The following SPTA1 variants were observed in gnomAD, a reference collection of about 807,000 sequenced individuals.
SPTA1 encodes the protein spectrin alpha chain, erythrocytic 1.
A neutral mutation model predicts 324.7 loss-of-function variants in SPTA1; 177 were observed. The observed-to-expected ratio is 0.55, with a 90% confidence interval of 0.48 to 0.62. The LOEUF (loss-of-function observed/expected upper bound fraction) is 0.62. Ranked by LOEUF, SPTA1 falls within the 20% of genes least tolerant of loss-of-function variation. The pLI, the probability that SPTA1 is intolerant of heterozygous loss-of-function variation, is 0.00. For missense variants in SPTA1, 3,162 were observed against 2,883.6 expected (o/e 1.10, Z -2.21); for synonymous variants, 1,195 against 1,041.3 (o/e 1.15, Z -2.84).
chr1:158,653,975 G>A (rs549328522), intron 21 of SPTA1, among the ~76,000 whole-genome samples: 2 of 152,180 alleles, frequency 1.3e-5, no homozygotes, highest in African/African-American at 4.8e-5. Flanking sequence ...AAAATGGACT[G>A]GCACACATTA....
At chr1:158,681,443 T>C in intron 4 of SPTA1, 84 bp downstream of exon 4, 1 of 1,601,988 alleles carries the variant, frequency 6.2e-7, no homozygotes, top group South Asian at 1.1e-5. Context: ...GACTTCCTTG[T>C]GAGTAGTCTG....
At chr1:158,685,714 A>G (rs901905388) in intron 1 of SPTA1, among the ~76,000 whole-genome samples, 9 of 152,206 alleles carry the variant, frequency 5.9e-5, no homozygotes, top group Admixed American at 2.0e-4. Context: ...AGGGCTAAAA[A>G]GGTGTTGAGA....
chr1:158,619,274 G>A lies in SPTA1; in HGVS notation c.6478C>T (p.Gln2160Ter). ...ARQVKNFEMC[Q>*]EFEQNASTFL... is the part of the protein sequence containing the mutation. ...GTACTGGCATTCTGTTCAAACTCCT[G>A]ACACATCTCAAAGTTCTTGACCTGT... The change falls in exon 45 of 52, where the codon CAG (glutamine) becomes TAG (stop). Residue 2160 changes from glutamine (Q) to a stop codon, truncating the protein, a stop_gained. Transcript: ENST00000643759. LOFTEE classifies it high-confidence loss of function. 6.2e-7 allele frequency: 1 copy of A among 1,614,112 alleles called. No homozygotes were observed. Among genetic ancestry groups the A allele is most frequent in the Non-Finnish European group, 8.5e-7 (1 of 1,179,992 alleles).
In SPTA1 at chr1:158,662,814, G is replaced by A; in HGVS notation, c.2352C>T (p.Thr784=). ...GAAGGTCTAAGAGCTTCTTCTTTCG[G>A]GTGGCCAGTGGCTCTTTCAGAGCTT... The part of the protein sequence containing the change: ...RFEALKEPLA[T]RKKKLLDLLH... Residue 784 remains threonine, a synonymous_variant, in exon 17 of 52, where the codon ACC becomes ACT. Coordinates refer to ENST00000643759, the MANE Select transcript of SPTA1 (RefSeq NM_003126.4). The A allele has an allele frequency of 6.2e-7, 1 of 1,613,998 alleles. No individual in the cohort carries two copies.
At chr1:158,637,368 A>C (rs1200897863) in intron 36 of SPTA1, among the ~76,000 whole-genome samples, 1 of 152,222 alleles carries the variant, frequency 6.6e-6, no homozygotes, top group Non-Finnish European at 1.5e-5. Flanking sequence ...ATTACTCATA[A>C]TAATCAAGCA....
chr1:158,654,543 T>C, intron 21 of SPTA1, 68 bp downstream of exon 21: 1 of 1,597,290 alleles, frequency 6.3e-7, no homozygotes, highest in Non-Finnish European at 8.6e-7. Flanking sequence ...TATGAATATC[T>C]GGCAGGATTG....
In SPTA1 at chr1:158,634,657, T is replaced by A. The variant is rs780285487; in HGVS notation, c.5451A>T (p.Glu1817Asp). 2.9e-5 allele frequency: 46 copies of A among 1,614,030 alleles called. No homozygotes were observed. Among genetic ancestry groups the A allele is most frequent in the Non-Finnish European group, 3.7e-5 (44 of 1,180,032 alleles). Residue 1817 changes from glutamate (E) to aspartate (D), a missense_variant, in exon 39 of 52, where the codon GAA becomes GAT. By Grantham distance (45) the Glu-to-Asp change is conservative (BLOSUM62 2). Coordinates refer to ENST00000643759, the MANE Select transcript of SPTA1 (RefSeq NM_003126.4). ...LAKARGLKLE[E>D]SLEYLQFMQN... ...GCATGAATTGCAAGTATTCTAGGGA[T>A]TCTTCCAACTTAAGTCCTCTATAAC...
At chr1:158,664,104 G>A (rs1653429830) in intron 16 of SPTA1, among the ~76,000 whole-genome samples, 1 of 152,162 alleles carries the variant, frequency 6.6e-6, no homozygotes, top group African/African-American at 2.4e-5. Flanking sequence ...TTCAACCATT[G>A]TGGAAGACAG....
rs765951388 is a variant in SPTA1, at chr1:158,662,845, C to T, written c.2321G>A (p.Arg774Gln). 1.3e-5 allele frequency: 21 copies of T among 1,614,068 alleles called. No homozygotes were observed. The highest frequency in any genetic ancestry group is 4.4e-5 in the South Asian group (4 of 91,084). Residue 774 changes from arginine (R) to glutamine (Q), a missense_variant, in exon 17 of 52, where the codon CGA becomes CAA. Arg to Gln is a conservative substitution (Grantham distance 43, BLOSUM62 1). Coordinates refer to ENST00000643759, the MANE Select transcript of SPTA1 (RefSeq NM_003126.4). ...IRARQESLVC[R>Q]FEALKEPLAT... is the part of the protein sequence containing the mutation. ...CAGTGGCTCTTTCAGAGCTTCAAAT[C>T]GGCATACCAAGGACTCTTGCCTTGC...
intron 41 of SPTA1, 108 bp from the exon 42 acceptor site, chr1:158,626,330 C>G (rs1650266343): frequency 2.3e-5 from 23 of 1,020,956 alleles, no homozygotes; most frequent in South Asian, 6.8e-5. Flanking sequence ...TCTTGACTCT[C>G]AAAGTTGATG....
intron 27 of SPTA1, among the ~76,000 whole-genome samples, chr1:158,646,068 C>A (rs750069596): frequency 1.3e-5 from 2 of 152,114 alleles, no homozygotes; most frequent in Non-Finnish European, 2.9e-5. Flanking sequence ...TCATGTCTTT[C>A]CTCTTACTTT....
chr1:158,623,020 C>A lies in SPTA1; in HGVS notation c.6083G>T (p.Arg2028Ile). The A allele has an allele frequency of 4.3e-6, 7 of 1,614,162 alleles. No individual in the cohort carries two copies. The highest frequency in any genetic ancestry group is 5.9e-6 in the Non-Finnish European group (7 of 1,180,020). ...CAGCTGTTTCTCCAGCAATTTCTGT[C>A]TGTGGACTGCCGAGGCTTCCAGCAA... ...EQLLEASAVH[R>I]QKLLEKQLPL... Residue 2028 changes from arginine to isoleucine, a missense_variant, in exon 43 of 52, where the codon AGA becomes ATA. By Grantham distance (97) the Arg-to-Ile change is moderately conservative. Coordinates refer to ENST00000643759, the MANE Select transcript of SPTA1 (RefSeq NM_003126.4).
At chr1:158,683,624 T>C in intron 2 of SPTA1, 128 bp from the exon 3 acceptor site, 2 of 1,237,766 alleles carry the variant, frequency 1.6e-6, no homozygotes, top group Non-Finnish European at 2.3e-6. Flanking sequence ...AAGAGTATTT[T>C]CCTGTCCCCA....
At chr1:158,655,489 T>A (rs1652765953) in intron 20 of SPTA1, among the ~76,000 whole-genome samples, 1 of 152,124 alleles carries the variant, frequency 6.6e-6, no homozygotes, top group African/African-American at 2.4e-5. Context: ...GCCCTCTAAT[T>A]TCATCTCCTT....
rs35121052 is a variant in SPTA1, at chr1:158,661,316, G to A, written c.2558C>T (p.Thr853Ile). The A allele has an allele frequency of 6.2e-7, 1 of 1,613,652 alleles. No homozygotes were observed. Among genetic ancestry groups the A allele is most frequent in the South Asian group, 1.1e-5 (1 of 91,064 alleles). Residue 853 changes from threonine (T) to isoleucine (I), a missense_variant, in exon 18 of 52, where the codon ACA (threonine) becomes ATA (isoleucine). Transcript: ENST00000643759. ...ASHEPRIQEI[T>I]ERGNKMVEEG... ...CTCTACCATTTTGTTTCCCCTTTCT[G>A]TTATCTCTTGAATGCGTGGTTCATG...
intron 36 of SPTA1, 84 bp from the exon 37 acceptor site, chr1:158,636,845 G>A (rs1651120784): frequency 6.2e-7 from 1 of 1,603,730 alleles, no homozygotes; most frequent in Non-Finnish European, 8.5e-7. Flanking sequence ...GACTATGTGT[G>A]TGGCTGGTGG....
intron 33 of SPTA1, among the ~76,000 whole-genome samples, chr1:158,640,827 C>A (rs975869464): frequency 3.3e-5 from 5 of 152,084 alleles, no homozygotes; most frequent in African/African-American, 1.2e-4. Flanking sequence ...TCATATGGAA[C>A]CAAAAAAGAG....
chr1:158,643,360 T>C lies in SPTA1; in HGVS notation c.4404A>G (p.Lys1468=). 6.2e-7 allele frequency: 1 copy of C among 1,613,950 alleles called. No individual in the cohort carries two copies. Among genetic ancestry groups the C allele is most frequent in the Non-Finnish European group, 8.5e-7 (1 of 1,179,914 alleles). ...GTTGGAGCCGCGTAGCAATCTCTTC[T>C]TTGGCATAGTGTTCATCAGCAATGA... is the stretch of plus-strand genomic sequence containing the variant. ...ESLIADEHYA[K]EEIATRLQRV... is the part of the protein sequence containing the mutation. The change falls in exon 31 of 52, where the codon AAA becomes AAG. Residue 1468 remains lysine (K), a synonymous_variant. Coordinates refer to ENST00000643759, the MANE Select transcript of SPTA1 (RefSeq NM_003126.4).
chr1:158,666,630 A>G, intron 15 of SPTA1, 133 bp from the exon 16 acceptor site: 1 of 818,352 alleles, frequency 1.2e-6, no homozygotes, highest in Non-Finnish European at 2.0e-6. Context: ...ACTGTCTCAC[A>G]TGTCTCACAA....
Sources: allele counts gnomAD v4.1 joint callset (sites outside exome capture counted in the v4.1 genomes callset), GRCh38; gene constraint gnomAD v4.1.1; transcripts MANE v1.5; gene names NCBI Gene and HGNC (gene_info 2026-07-23, HGNC 2026-07-21).